DAB2IP: variants seen among roughly 807,000 people sequenced by gnomAD.
DAB2IP encodes the protein DAB2 interacting protein.
DAB2IP carries 28 observed loss-of-function variants against 107.2 expected under a neutral mutation model. That is an observed-to-expected ratio of 0.26 (90% CI 0.19 to 0.36). DAB2IP has a LOEUF of 0.36. Ranked by LOEUF, DAB2IP falls within the 10% of genes least tolerant of loss-of-function variation. The probability of loss-of-function intolerance (pLI) is 1.00; values close to 1 mark genes in which losing one functional copy is unlikely to be tolerated. For missense variants in DAB2IP, 1,400 were observed against 1,644.7 expected (o/e 0.85, Z 2.57); for synonymous variants, 755 against 706.4 (o/e 1.07, Z -1.09).
chr9:121,683,181 G>C (rs1435346313), intron 2 of DAB2IP, among the ~76,000 whole-genome samples: 4 of 152,182 alleles, frequency 2.6e-5, no homozygotes, highest in African/African-American at 9.7e-5. Context: ...TGCCCACCCA[G>C]CTTCCCCAGG....
chr9:121,706,448 C>G (rs910153143), intron 3 of DAB2IP, among the ~76,000 whole-genome samples: 2 of 152,196 alleles, frequency 1.3e-5, no homozygotes, highest in Non-Finnish European at 2.9e-5. Context: ...TCCCTCCCCT[C>G]CACTTCTCTC....
intron 3 of DAB2IP, among the ~76,000 whole-genome samples, chr9:121,756,050 C>T (rs561312292): frequency 4.3e-4 from 65 of 152,306 alleles, no homozygotes; most frequent in African/African-American, 1.5e-3. Context: ...AAGCAGGGCT[C>T]AGCTTCTGCA....
At chr9:121,631,583 C>A (rs59590870) in intron 1 of DAB2IP, among the ~76,000 whole-genome samples, 1 of 151,908 alleles carries the variant, frequency 6.6e-6, no homozygotes, top group East Asian at 1.9e-4. Flanking sequence ...TCTGGGAGGC[C>A]GAGGCTGGCG....
intron 1 of DAB2IP, among the ~76,000 whole-genome samples, chr9:121,587,019 G>A (rs957077880): frequency 3.5e-4 from 54 of 152,198 alleles, no homozygotes; most frequent in African/African-American, 1.2e-3. Flanking sequence ...CACAGGCAGC[G>A]GGGGTGTCAG....
rs548559366 is a variant in DAB2IP, at chr9:121,773,332, C to T, written c.2804C>T (p.Thr935Met). The T allele has an allele frequency of 7.4e-5, 114 of 1,545,314 alleles. No individual in the cohort carries two copies. The East Asian group carries it at 1.3e-3, about 17-fold the overall frequency. The change falls in exon 12 of 16, where the codon ACG becomes ATG. Residue 935 changes from threonine (T) to methionine (M), a missense_variant. Coordinates refer to ENST00000408936, the Ensembl canonical transcript of DAB2IP. ...CCACCTCCTGCCCCCCGCGGCCGGA[C>T]GCCCCCCAACCTGCTGAGCACCCTG...
chr9:121,769,246 G>C (rs1055987928), intron 10 of DAB2IP, among the ~76,000 whole-genome samples: 2 of 152,164 alleles, frequency 1.3e-5, no homozygotes, highest in African/African-American at 4.8e-5. Context: ...ACTTTTGTAA[G>C]GTGCTGAAAC....
chr9:121,646,891 T>G (rs928455869), upstream of DAB2IP, among the ~76,000 whole-genome samples: 3 of 152,184 alleles, frequency 2.0e-5, no homozygotes, highest in African/African-American at 2.4e-5. Flanking sequence ...GCCCTGTGAC[T>G]TTAGGGAACT....
At chr9:121,758,285 C>G (rs1287446458) in intron 4 of DAB2IP, among the ~76,000 whole-genome samples, 2 of 152,134 alleles carry the variant, frequency 1.3e-5, no homozygotes, top group East Asian at 3.9e-4. Flanking sequence ...GAGAGTCAGA[C>G]AGAGAGGGAA....
Position 121,634,996 on chromosome 9 carries a change from C to T in DAB2IP, c.41-43682C>T, listed in dbSNP as rs145242399. On this transcript the variant is annotated intron_variant, in intron 1 of 16. Coordinates refer to the DAB2IP transcript ENST00000259371. The surrounding 1 kb of genome is among the most constrained non-coding windows in gnomAD (Gnocchi z 4.7). ...GGCCCTGTGTGCCAGTGCGGCCCACCCAGCCTCAGACCTGTGTATATGTGT... is the reference window on the plus strand; with the variant it reads ...GGCCCTGTGTGCCAGTGCGGCCCACTCAGCCTCAGACCTGTGTATATGTGT... Among the ~76,000 whole-genome samples the T allele has an allele frequency of 4.1e-3, 630 of 152,270 alleles. 3 individuals are homozygous for T. The highest frequency in any genetic ancestry group is 6.9e-3 in the Non-Finnish European group (471 of 68,024).
In DAB2IP at chr9:121,776,193, G is replaced by C. The variant is rs1367435163; in HGVS notation, c.3121-5G>C. 1.3e-6 allele frequency: 2 copies of C among 1,568,672 alleles called. No homozygotes were observed. The highest frequency in any genetic ancestry group is 1.4e-5 in the African/African-American group (1 of 74,020). On this transcript the variant is annotated splice_region_variant and splice_polypyrimidine_tract_variant and intron_variant, in intron 13 of 15. Coordinates refer to ENST00000408936, the Ensembl canonical transcript of DAB2IP. The surrounding 1 kb of genome is among the most constrained non-coding windows in gnomAD (Gnocchi z 5.4). ...CTGTGCCCGTGGACGCTGCCCTCCT[G>C]GTAGGACCTGGCGGTGCTGCAGGAC... is the stretch of plus-strand genomic sequence containing the variant.
At position 121,641,892 on chromosome 9, in the gene DAB2IP, C is replaced by CCTTTCTTTCTTTTTCTTTCTTT. The variant is rs796365103; in HGVS notation, c.41-36774_41-36773insTTCTTTCTTTCTTTCTTTCTTT. Among the ~76,000 whole-genome samples the CCTTTCTTTCTTTTTCTTTCTTT allele has an allele frequency of 3.4e-5, 3 of 89,334 alleles. 1 individual carries two copies. The highest frequency in any genetic ancestry group is 1.6e-4 in the African/African-American group (3 of 18,956). The allele number at this position is 89,334 out of a possible 152,430, so 58.6% of individuals were successfully genotyped here. A position where few individuals can be genotyped will look rare whatever the true frequency, so the allele number is the denominator to read the frequency against. On this transcript the variant is annotated intron_variant, in intron 1 of 16. Coordinates refer to the DAB2IP transcript ENST00000259371. ...TTCTTTCTTTCTGTCCATTTCTTTC[C>CCTTTCTTTCTTTTTCTTTCTTT]CTTTCTTTCTTTCTTTCTTTCTTTC...
In DAB2IP at chr9:121,776,073, G is replaced by C. The variant is rs1835177494; in HGVS notation, c.3121-125G>C. 26 of 1,120,922 alleles carry C rather than the reference G, an allele frequency of 2.3e-5. 1 individual carries two copies. The highest frequency in any genetic ancestry group is 5.7e-4 in the Middle Eastern group (2 of 3,494). 69.4% of individuals were successfully genotyped at this position (1,120,922 alleles called of 1,614,324 possible). On this transcript the variant is annotated intron_variant, in intron 13 of 15. Transcript: ENST00000408936. This position sits in a 1 kb window ranked among gnomAD's most constrained non-coding sequence, Gnocchi z 5.4. ...GGGCATCTCCTTGCTATGTGAAGTGGGCGGGTCACAGCCACTGGGGCCTTT... is the reference window on the plus strand; with the variant it reads ...GGGCATCTCCTTGCTATGTGAAGTGCGCGGGTCACAGCCACTGGGGCCTTT...
At chr9:121,747,671 G>C (rs943910758) in intron 3 of DAB2IP, among the ~76,000 whole-genome samples, 4 of 152,044 alleles carry the variant, frequency 2.6e-5, no homozygotes, top group Non-Finnish European at 5.9e-5. Context: ...TTAAAATTCA[G>C]GGCACTTCGC....
At chr9:121,761,680 T>C (rs1833904211) in intron 6 of DAB2IP, among the ~76,000 whole-genome samples, 1 of 152,076 alleles carries the variant, frequency 6.6e-6, no homozygotes, top group Non-Finnish European at 1.5e-5. Flanking sequence ...TCTGTAGTGC[T>C]CAGCTACCTC....
intron 1 of DAB2IP, among the ~76,000 whole-genome samples, chr9:121,660,263 T>A (rs980314416): frequency 3.9e-5 from 6 of 152,188 alleles, no homozygotes; most frequent in Admixed American, 2.6e-4. Flanking sequence ...CAGGTGGTGT[T>A]ATCAGCTCCA....
chr9:121,654,886 C>G (rs1254620569), intron 1 of DAB2IP, among the ~76,000 whole-genome samples: 1 of 152,206 alleles, frequency 6.6e-6, no homozygotes. Context: ...AGAACTCAGG[C>G]TGTGTATTTG....
Position 121,699,324 on chromosome 9 carries a change from G to T in DAB2IP, c.229-1G>T. On this transcript the variant is annotated splice_acceptor_variant, in intron 2 of 15. Coordinates refer to ENST00000408936, the Ensembl canonical transcript of DAB2IP. LOFTEE classifies it high-confidence loss of function. The surrounding 1 kb of genome is among the most constrained non-coding windows in gnomAD (Gnocchi z 6.2). Reference sequence around the variant, plus strand: ...TCCCCCTCTTGTCCCCCCGTGCGCAGGGCTTCCTCAGCCGCCGCCTCAAGG... The same window carrying T: ...TCCCCCTCTTGTCCCCCCGTGCGCATGGCTTCCTCAGCCGCCGCCTCAAGG... 1 of 1,428,180 alleles carries T rather than the reference G, an allele frequency of 7.0e-7. No homozygotes were observed. The highest frequency in any genetic ancestry group is 9.3e-7 in the Non-Finnish European group (1 of 1,074,948). 88.5% of individuals were successfully genotyped at this position (1,428,180 alleles called of 1,614,324 possible).
At position 121,776,469 on chromosome 9, in the gene DAB2IP, G is replaced by A. The variant is rs1008124160; in HGVS notation, c.3314+78G>A. ...GCTGCCTTCGAGGAGGCCCCTGGTC[G>A]GGGAGCCTCCTCAAAGGATAAGCTG... On this transcript the variant is annotated intron_variant, in intron 14 of 15. Transcript: ENST00000408936. The surrounding 1 kb of genome is among the most constrained non-coding windows in gnomAD (Gnocchi z 5.4). 14 of 1,402,078 alleles carry A rather than the reference G, an allele frequency of 1.0e-5. No homozygotes were observed. In the Admixed American group the frequency reaches 2.3e-4, roughly 23 times the overall value. 86.9% of individuals were successfully genotyped at this position (1,402,078 alleles called of 1,614,324 possible). A position where few individuals can be genotyped will look rare whatever the true frequency, so the allele number is the denominator to read the frequency against.
rs1022768624 is a variant in DAB2IP at position 121,772,619 on chromosome 9, C to T, written c.2091C>T (p.Phe697=). 7.4e-6 allele frequency: 12 copies of T among 1,612,658 alleles called. No individual in the cohort carries two copies. Among genetic ancestry groups the T allele is most frequent in the Admixed American group, 5.0e-5 (3 of 59,910 alleles). Reference sequence around the variant, plus strand: ...TGTCTCCCTGCAGTCTGATAGATTTCACCCGGTTACCGTCTCCAACCCCCG... The same window carrying T: ...TGTCTCCCTGCAGTCTGATAGATTTTACCCGGTTACCGTCTCCAACCCCCG... Residue 697 remains phenylalanine, a synonymous_variant, in exon 12 of 16, where the codon TTC becomes TTT. Coordinates refer to ENST00000408936, the Ensembl canonical transcript of DAB2IP. This position sits in a 1 kb window ranked among gnomAD's most constrained non-coding sequence, Gnocchi z 4.7.
Sources: gnomAD v4.1 joint callset for allele counts (sites outside exome capture counted in the v4.1 genomes callset) on GRCh38, gnomAD v4.1.1 for gene constraint, Gnocchi (gnomAD v3.1) non-coding constraint, MANE v1.5 for transcripts, NCBI Gene and HGNC (gene_info 2026-07-23, HGNC 2026-07-21) for gene names.